Variants in PDE4D observed in about 807,000 individuals in gnomAD.
PDE4D encodes the protein phosphodiesterase 4D, also known as 3',5'-cyclic-AMP phosphodiesterase 4D.
In PDE4D, 24 loss-of-function variants were observed where a neutral mutation model predicts 87.4. That is an observed-to-expected ratio of 0.27 (90% confidence interval 0.20 to 0.39). The LOEUF (loss-of-function observed/expected upper bound fraction) is 0.39, where lower values mean the gene tolerates loss of function less well. Ranked by LOEUF, PDE4D falls within the 10% of genes least tolerant of loss-of-function variation. PDE4D has a pLI of 1.00. For missense variants in PDE4D, 714 were observed against 1,041.0 expected (o/e 0.69, Z 4.32); for synonymous variants, 384 against 383.2 (o/e 1.00, Z -0.02).
intron 6 of PDE4D, among the ~76,000 whole-genome samples, chr5:59,032,139 A>G (rs1286214117): frequency 6.6e-6 from 1 of 152,234 alleles, no homozygotes; most frequent in Non-Finnish European, 1.5e-5. Context: ...AGATATGTTA[A>G]TTAGCTTTAC....
intron 1 of PDE4D, among the ~76,000 whole-genome samples, chr5:60,305,193 A>G (rs1030075658): frequency 6.6e-6 from 1 of 152,116 alleles, no homozygotes; most frequent in Non-Finnish European, 1.5e-5. Context: ...TAAAGAACCA[A>G]TAAATTGGCC....
chr5:59,276,993 A>G (rs748854831), intron 1 of PDE4D, among the ~76,000 whole-genome samples: 17 of 152,102 alleles, frequency 1.1e-4, no homozygotes, highest in Non-Finnish European at 2.2e-4. Context: ...GCCAACTTCA[A>G]TTATTTTGGA....
chr5:60,155,451 A>G (rs563108567), intron 2 of PDE4D, among the ~76,000 whole-genome samples: 2 of 152,166 alleles, frequency 1.3e-5, no homozygotes, highest in South Asian at 2.1e-4. Flanking sequence ...TCTCATTCTT[A>G]TTGATTTGTA....
intron 1 of PDE4D, among the ~76,000 whole-genome samples, chr5:59,727,106 A>G (rs1756711566): frequency 6.6e-6 from 1 of 152,118 alleles, no homozygotes; most frequent in African/African-American, 2.4e-5. Context: ...TTGTTCTCAT[A>G]CTGTAGAACG....
At chr5:59,333,748 T>G (rs1202196400) in intron 1 of PDE4D, among the ~76,000 whole-genome samples, 1 of 152,150 alleles carries the variant, frequency 6.6e-6, no homozygotes, top group Non-Finnish European at 1.5e-5. Context: ...CTTGGGGAGT[T>G]TTTCTTGATC....
intron 1 of PDE4D, among the ~76,000 whole-genome samples, chr5:59,411,593 T>G (rs1356378542): frequency 6.6e-6 from 1 of 152,180 alleles, no homozygotes; most frequent in Non-Finnish European, 1.5e-5. Context: ...TTTACATGGT[T>G]GTCTCTGTGT....
chr5:60,276,812 T>C (rs1255562724), intron 1 of PDE4D, among the ~76,000 whole-genome samples: 3 of 151,788 alleles, frequency 2.0e-5, no homozygotes, highest in African/African-American at 7.2e-5. Context: ...TTGTCACTAG[T>C]ATTTTTTTTT....
chr5:60,228,521 T>C (rs1401610992), intron 1 of PDE4D, among the ~76,000 whole-genome samples: 1 of 152,050 alleles, frequency 6.6e-6, no homozygotes, highest in Non-Finnish European at 1.5e-5. Context: ...TGAGCTGTGC[T>C]TCCCAGCATT....
At chr5:60,313,282 C>A (rs189181922) in intron 1 of PDE4D, among the ~76,000 whole-genome samples, 162 of 152,034 alleles carry the variant, frequency 1.1e-3, no homozygotes, top group Admixed American at 2.6e-3. Context: ...ACAAAAAACC[C>A]TCAGAGACTA....
At chr5:59,493,670 T>C (rs149335007) in intron 1 of PDE4D, among the ~76,000 whole-genome samples, 258 of 152,356 alleles carry the variant, frequency 1.7e-3, no homozygotes, top group African/African-American at 5.6e-3. Flanking sequence ...GTCCTGGTGA[T>C]TTAAATACAT....
At chr5:59,445,105 C>A (rs1367073041) in intron 1 of PDE4D, among the ~76,000 whole-genome samples, 1 of 152,142 alleles carries the variant, frequency 6.6e-6, no homozygotes, top group African/African-American at 2.4e-5. Flanking sequence ...TACTTACCTA[C>A]CAGGAACTAT....
chr5:60,304,651 CAAA>C (rs70975379), intron 1 of PDE4D, among the ~76,000 whole-genome samples: 78 of 60,054 alleles, frequency 1.3e-3, no homozygotes, highest in African/African-American at 4.8e-3. Flanking sequence ...GACTCCGTCT[CAAA>C]AAAAAAAAAA....
intron 1 of PDE4D, among the ~76,000 whole-genome samples, chr5:60,320,932 A>G (rs1010754862): frequency 2.0e-5 from 3 of 152,186 alleles, no homozygotes; most frequent in African/African-American, 7.2e-5. Context: ...AAATTCAACC[A>G]TCATGTGTAG....
intron 1 of PDE4D, among the ~76,000 whole-genome samples, chr5:59,582,206 A>T (rs1030057213): frequency 1.3e-5 from 2 of 152,228 alleles, no homozygotes; most frequent in African/African-American, 4.8e-5. Flanking sequence ...TAAGTTAACT[A>T]AAAGGAGCAA....
chr5:60,307,546 T>TA, intron 1 of PDE4D, among the ~76,000 whole-genome samples: 1 of 152,244 alleles, frequency 6.6e-6, no homozygotes, highest in Non-Finnish European at 1.5e-5. Context: ...GGTTAGCCTC[T>TA]AAATTCAGCC....
At chr5:60,315,084 C>A (rs1035618414) in intron 1 of PDE4D, among the ~76,000 whole-genome samples, 5 of 152,134 alleles carry the variant, frequency 3.3e-5, no homozygotes, top group Non-Finnish European at 5.9e-5. Context: ...ATGGTTGAAC[C>A]AGTTTACAAT....
At chr5:60,469,104 T>G (rs746257866) in intron 1 of PDE4D, among the ~76,000 whole-genome samples, 1 of 152,172 alleles carries the variant, frequency 6.6e-6, no homozygotes, top group African/African-American at 2.4e-5. Flanking sequence ...TTCTTCCCAT[T>G]CTTCCTGAGC....
At chr5:59,467,336 G>A (rs1401299526) in intron 1 of PDE4D, among the ~76,000 whole-genome samples, 1 of 152,122 alleles carries the variant, frequency 6.6e-6, no homozygotes, top group Non-Finnish European at 1.5e-5. Flanking sequence ...ATGATATAGG[G>A]TCTGAGTTGA....
At chr5:59,917,199 C>T (rs1245384293) in intron 3 of PDE4D, among the ~76,000 whole-genome samples, 1 of 151,996 alleles carries the variant, frequency 6.6e-6, no homozygotes, top group Admixed American at 6.6e-5. Context: ...ACATCTACGA[C>T]TGGCTAGCAA....
Sources: allele counts gnomAD v4.1 joint callset (sites outside exome capture counted in the v4.1 genomes callset), GRCh38; gene constraint gnomAD v4.1.1; transcripts MANE v1.5; gene names NCBI Gene and HGNC (gene_info 2026-07-23, HGNC 2026-07-21).